CASK: variants seen among roughly 807,000 people sequenced by gnomAD.
The protein encoded by CASK is calcium/calmodulin dependent serine protein kinase.
In CASK, 4 loss-of-function variants were observed where a neutral mutation model predicts 82.9. That is an observed-to-expected ratio of 0.05 (90% CI 0.02 to 0.11). CASK has a LOEUF of 0.11. CASK is among the 10% of genes least tolerant of loss of function. The pLI is 1.00. For missense variants in CASK, 358 were observed against 720.9 expected (o/e 0.50, Z 5.76); for synonymous variants, 259 against 253.5 (o/e 1.02, Z -0.20).
chrX:41,715,570 C>T (rs757950179), intron 5 of CASK, among the ~76,000 whole-genome samples: 269 of 106,872 alleles, frequency 2.5e-3, no homozygotes, highest in Middle Eastern at 4.8e-3. Context: ...TGCAGCGAGC[C>T]GAGATTGCGC....
intron 2 of CASK, among the ~76,000 whole-genome samples, chrX:41,801,028 T>C (rs186795268): frequency 2.5e-4 from 28 of 110,530 alleles, no homozygotes; most frequent in Middle Eastern, 4.7e-3. Flanking sequence ...AACCCTGGAG[T>C]GGAGGAAGGT....
chrX:41,806,107 T>A (rs1037455069), intron 2 of CASK, among the ~76,000 whole-genome samples: 2 of 111,934 alleles, frequency 1.8e-5, no homozygotes, highest in Admixed American at 9.5e-5. Flanking sequence ...GAACCTGTTA[T>A]AATGATAATG....
chrX:41,728,905 T>C (rs1331489492), intron 5 of CASK: 1 of 123,396 alleles, frequency 8.1e-6, no homozygotes, highest in East Asian at 2.8e-4. Flanking sequence ...GGAGAAGCAA[T>C]ATTCATTGAC....
chrX:41,811,222 C>G (rs1173933346), intron 2 of CASK, among the ~76,000 whole-genome samples: 1 of 111,753 alleles, frequency 8.9e-6, no homozygotes, highest in African/African-American at 3.3e-5. Flanking sequence ...CAGCTCTGCA[C>G]CAAGCGGACC....
chrX:41,711,518 C>T (rs1030645605), intron 5 of CASK, among the ~76,000 whole-genome samples: 3 of 110,542 alleles, frequency 2.7e-5, no homozygotes, highest in South Asian at 3.9e-4. Flanking sequence ...CAGATAGGGG[C>T]GAGTCCTCAG....
chrX:41,679,703 T>C (rs993800167), intron 5 of CASK, among the ~76,000 whole-genome samples: 3 of 111,671 alleles, frequency 2.7e-5, no homozygotes, highest in African/African-American at 9.8e-5. Context: ...CCTTTACAAA[T>C]TTTTGTGCTC....
intron 2 of CASK, among the ~76,000 whole-genome samples, chrX:41,806,742 G>A (rs1419693193): frequency 1.8e-5 from 2 of 112,176 alleles, no homozygotes; most frequent in Non-Finnish European, 3.8e-5. Flanking sequence ...AGAATAGTGT[G>A]TAGAATATGC....
chrX:41,560,295 G>T (rs922906572), intron 17 of CASK, among the ~76,000 whole-genome samples: 1 of 109,918 alleles, frequency 9.1e-6, no homozygotes, highest in Non-Finnish European at 1.9e-5. Flanking sequence ...ACAGAGTCTC[G>T]CTCTGTCATC....
chrX:41,874,262 G>C (rs759167406), intron 1 of CASK, among the ~76,000 whole-genome samples: 2 of 111,564 alleles, frequency 1.8e-5, no homozygotes, highest in Non-Finnish European at 3.8e-5. Flanking sequence ...ATGGTGGTTT[G>C]TTGCACCTAT....
intron 7 of CASK, among the ~76,000 whole-genome samples, chrX:41,663,612 AATGAAGCAC>A (rs2067070218): frequency 8.9e-6 from 1 of 112,257 alleles, no homozygotes; most frequent in Admixed American, 9.4e-5. Flanking sequence ...AGTCTGTTGG[AATGAAGCAC>A]ATTGCCTTGG....
At chrX:41,860,271 T>A (rs1418671787) in intron 1 of CASK, among the ~76,000 whole-genome samples, 2 of 111,237 alleles carry the variant, frequency 1.8e-5, no homozygotes, top group Non-Finnish European at 3.8e-5. Flanking sequence ...TTCCTACTAC[T>A]TTTTATACAG....
intron 1 of CASK, among the ~76,000 whole-genome samples, chrX:41,889,893 C>T (rs1372832914): frequency 9.0e-6 from 1 of 111,508 alleles, no homozygotes; most frequent in Admixed American, 9.5e-5. Flanking sequence ...AAATAATTTC[C>T]CAGTAGAGAC....
chrX:41,759,243 A>G (rs2068952952), intron 3 of CASK, among the ~76,000 whole-genome samples: 1 of 111,278 alleles, frequency 9.0e-6, no homozygotes, highest in African/African-American at 3.3e-5. Context: ...GGGAAGGGTG[A>G]ATCTAAATTG....
chrX:41,668,747 C>CA (rs1556015673), intron 6 of CASK, among the ~76,000 whole-genome samples: 1 of 104,865 alleles, frequency 9.5e-6, no homozygotes, highest in Non-Finnish European at 2.0e-5. Flanking sequence ...GAATTTCTTT[C>CA]TTTTTTTTTT....
intron 5 of CASK, among the ~76,000 whole-genome samples, chrX:41,704,381 C>T (rs2067850883): frequency 8.9e-6 from 1 of 111,895 alleles, no homozygotes; most frequent in East Asian, 2.8e-4. Context: ...ATCAGGTGTT[C>T]CTTGAGAACA....
At chrX:41,606,091 C>T (rs748964487) in intron 12 of CASK, among the ~76,000 whole-genome samples, 121 of 112,280 alleles carry the variant, frequency 1.1e-3, no homozygotes, top group Non-Finnish European at 1.7e-3. Flanking sequence ...GATTAGATTT[C>T]TCTATATGGC....
chrX:41,701,015 C>A (rs1383803946), intron 5 of CASK, among the ~76,000 whole-genome samples: 1 of 101,035 alleles, frequency 9.9e-6, no homozygotes. Flanking sequence ...TGTGTTTTTG[C>A]AAAGCTCAGG....
intron 1 of CASK, among the ~76,000 whole-genome samples, chrX:41,905,872 T>C (rs1273168644): frequency 8.9e-6 from 1 of 112,904 alleles, no homozygotes; most frequent in African/African-American, 3.2e-5. Context: ...AGCCAGTCAT[T>C]AGTAATTCCA....
chrX:41,779,816 A>G (rs1228240353), intron 3 of CASK, among the ~76,000 whole-genome samples: 1 of 109,522 alleles, frequency 9.1e-6, no homozygotes, highest in South Asian at 3.9e-4. Flanking sequence ...TTTCACAAAC[A>G]CTCCCTTCCC....
Sources: allele counts gnomAD v4.1 joint callset (sites outside exome capture counted in the v4.1 genomes callset), GRCh38; gene constraint gnomAD v4.1.1; transcripts MANE v1.5; gene names NCBI Gene and HGNC (gene_info 2026-07-23, HGNC 2026-07-21).